Variants in TENM1 observed in about 807,000 individuals in gnomAD.
TENM1 encodes teneurin-1.
Under a neutral mutation model 174.8 loss-of-function variants are expected in TENM1, and 35 were observed. The observed-to-expected ratio is 0.20, with a 90% CI of 0.15 to 0.27. The LOEUF (loss-of-function observed/expected upper bound fraction) is 0.27, where lower values mean the gene tolerates loss of function less well. TENM1 is among the 10% of genes least tolerant of loss of function. The probability of loss-of-function intolerance (pLI) is 1.00; values close to 1 mark genes in which losing one functional copy is unlikely to be tolerated. For missense variants in TENM1, 1,633 were observed against 2,130.1 expected, an observed-to-expected ratio of 0.77 and a Z score of 4.59; for synonymous variants, 781 against 798.7, an observed-to-expected ratio of 0.98 and a Z score of 0.37.
chrX:125,052,202 T>C, the TENM1 span, among the ~76,000 whole-genome samples: 1 of 111,461 alleles, frequency 9.0e-6, no homozygotes, highest in African/African-American at 3.3e-5. Context: ...ACAGAAAGCA[T>C]GGTCCCATGG....
the TENM1 span, among the ~76,000 whole-genome samples, chrX:125,106,705 A>G: frequency 1.1e-4 from 12 of 112,384 alleles, no homozygotes; most frequent in Non-Finnish European, 1.9e-4. Flanking sequence ...CACTGCGCCC[A>G]GCCTAAATTT....
intron 3 of TENM1, among the ~76,000 whole-genome samples, chrX:124,837,150 A>G (rs7065794): frequency 0.036 from 4,051 of 112,083 alleles, 97 homozygotes; most frequent in African/African-American, 0.08. Context: ...GTGCAATGGC[A>G]TGGTCTTGGC....
the TENM1 span, among the ~76,000 whole-genome samples, chrX:124,972,368 T>C: frequency 8.9e-6 from 1 of 112,220 alleles, no homozygotes; most frequent in Non-Finnish European, 1.9e-5. Flanking sequence ...TGAATGTTAC[T>C]CTAAAAGGAA....
intron 27 of TENM1, among the ~76,000 whole-genome samples, chrX:124,404,176 G>T (rs1199890880): frequency 9.0e-6 from 1 of 111,583 alleles, no homozygotes; most frequent in Non-Finnish European, 1.9e-5. Context: ...AAACCTTCCC[G>T]GTATATCAGG....
At chrX:124,707,726 C>G (rs1242307307) in intron 4 of TENM1, among the ~76,000 whole-genome samples, 1 of 112,155 alleles carries the variant, frequency 8.9e-6, no homozygotes, top group Non-Finnish European at 1.9e-5. Flanking sequence ...ATAAACAAAC[C>G]CCAAAAGGTA....
chrX:125,151,312 T>G, the TENM1 span, among the ~76,000 whole-genome samples: 2 of 112,360 alleles, frequency 1.8e-5, no homozygotes, highest in Non-Finnish European at 3.8e-5. Context: ...TTATCCAAAA[T>G]AGTTTAGCAT....
At chrX:125,178,071 CACA>C in the TENM1 span, among the ~76,000 whole-genome samples, 2 of 111,042 alleles carry the variant, frequency 1.8e-5, no homozygotes, top group East Asian at 5.7e-4. Context: ...CTGTCCTATC[CACA>C]AATTACAAGT....
At chrX:124,942,778 C>T (rs1232332706) in intron 1 of TENM1, among the ~76,000 whole-genome samples, 1 of 111,119 alleles carries the variant, frequency 9.0e-6, no homozygotes, top group African/African-American at 3.3e-5. Context: ...TCTGTTCTTT[C>T]GTATCTCAAC....
intron 11 of TENM1, among the ~76,000 whole-genome samples, chrX:124,617,988 A>G (rs2050434153): frequency 8.9e-6 from 1 of 112,214 alleles, no homozygotes; most frequent in Non-Finnish European, 1.9e-5. Context: ...GTCATCACAG[A>G]AATGTAAAAT....
chrX:124,804,286 CA>C (rs905162780), intron 3 of TENM1, among the ~76,000 whole-genome samples: 4 of 111,888 alleles, frequency 3.6e-5, no homozygotes, highest in Non-Finnish European at 7.5e-5. Flanking sequence ...CTTTATGATT[CA>C]AAGAGGACCT....
At chrX:124,916,504 G>A (rs965426248) in intron 1 of TENM1, among the ~76,000 whole-genome samples, 1 of 110,890 alleles carries the variant, frequency 9.0e-6, no homozygotes, top group Middle Eastern at 4.6e-3. Context: ...TAGAGATGGG[G>A]GTCTCACTTT....
exon 15 of TENM1, chrX:124,546,979 G>A: frequency 8.3e-7 from 1 of 1,211,030 alleles, no homozygotes; most frequent in South Asian, 1.8e-5. Flanking sequence ...AGAGAAGAGA[G>A]TTTGGCTTTG....
At chrX:124,775,999 G>C (rs2054774739) in intron 3 of TENM1, among the ~76,000 whole-genome samples, 1 of 112,028 alleles carries the variant, frequency 8.9e-6, no homozygotes, top group African/African-American at 3.3e-5. Flanking sequence ...CTATGACTGT[G>C]TACATCTTTA....
intron 6 of TENM1, among the ~76,000 whole-genome samples, chrX:124,667,970 G>T (rs2051816101): frequency 9.0e-6 from 1 of 111,060 alleles, no homozygotes; most frequent in Admixed American, 9.6e-5. Context: ...GTGTGAGATG[G>T]TATCTCACTG....
At chrX:124,571,770 T>C (rs1392384684) in intron 11 of TENM1, among the ~76,000 whole-genome samples, 6 of 111,296 alleles carry the variant, frequency 5.4e-5, no homozygotes, top group Non-Finnish European at 1.1e-4. Context: ...TGAGTACACA[T>C]TAAAAACATT....
chrX:125,133,915 C>G, the TENM1 span, among the ~76,000 whole-genome samples: 1 of 111,701 alleles, frequency 9.0e-6, no homozygotes, highest in East Asian at 2.8e-4. Context: ...AAGCCTATTG[C>G]CCTTAGGGAT....
the TENM1 span, among the ~76,000 whole-genome samples, chrX:124,992,301 T>C: frequency 9.0e-6 from 1 of 110,955 alleles, no homozygotes; most frequent in Non-Finnish European, 1.9e-5. Context: ...CACTCTTAGT[T>C]TGGGCTCCCC....
rs769101375 is a variant in TENM1, at chrX:124,547,041, A to G, written c.2484T>C (p.Cys828=). 2.5e-6 allele frequency: 3 copies of G among 1,211,442 alleles called. No homozygotes were observed. In the East Asian group the frequency reaches 8.9e-5, roughly 36 times the overall value. Reference sequence around the variant, plus strand: ...AGCCCTGGCAGAGAGGACTTATATAACAGTTGCTTTGTTGACAACAGTCAG... The same window carrying G: ...AGCCCTGGCAGAGAGGACTTATATAGCAGTTGCTTTGTTGACAACAGTCAG... Residue 828 remains cysteine, a synonymous_variant, in exon 15 of 32, where the codon TGT becomes TGC. Coordinates refer to ENST00000422452, the Ensembl canonical transcript of TENM1.
intron 3 of TENM1, among the ~76,000 whole-genome samples, chrX:124,860,020 G>A (rs1358824675): frequency 8.9e-6 from 1 of 111,762 alleles, no homozygotes; most frequent in Non-Finnish European, 1.9e-5. Flanking sequence ...TATAAATGAA[G>A]TAAGCTTTAA....
Sources: allele counts gnomAD v4.1 joint callset (sites outside exome capture counted in the v4.1 genomes callset), GRCh38; gene constraint gnomAD v4.1.1; transcripts MANE v1.5; gene names NCBI Gene and HGNC (gene_info 2026-07-23, HGNC 2026-07-21).